Variants in GCLM observed in about 807,000 individuals in gnomAD.
The protein encoded by GCLM is glutamate-cysteine ligase modifier subunit, also known as glutamate--cysteine ligase regulatory subunit.
A neutral mutation model predicts 36.0 loss-of-function variants in GCLM; 15 were observed. The ratio of observed to expected loss-of-function variants is 0.42; its 90% CI spans 0.28 to 0.64. The LOEUF is 0.64. Ranked by LOEUF, GCLM falls within the 30% of genes least tolerant of loss-of-function variation. The pLI is 0.25. For synonymous variants in GCLM, 129 were observed against 122.8 expected, an observed-to-expected ratio of 1.05 and a Z score of -0.34; for missense variants, 242 against 325.5, an observed-to-expected ratio of 0.74 and a Z score of 1.97.
At chr1:93,889,558 TGTATATGA>T (rs567179121) in intron 6 of GCLM, among the ~76,000 whole-genome samples, 166 of 152,130 alleles carry the variant, frequency 1.1e-3, no homozygotes, top group African/African-American at 3.8e-3. Context: ...ACTTTTTTGG[TGTATATGA>T]GTATATATCT....
chr1:93,906,450 G>C (rs1262132640), intron 1 of GCLM, among the ~76,000 whole-genome samples: 1 of 152,136 alleles, frequency 6.6e-6, no homozygotes, highest in Non-Finnish European at 1.5e-5. Flanking sequence ...TGGAAGGATG[G>C]CTCATTTGCA....
At chr1:93,889,639 CTGTA>C (rs544657858) in intron 6 of GCLM, among the ~76,000 whole-genome samples, 5 of 151,502 alleles carry the variant, frequency 3.3e-5, no homozygotes, top group Middle Eastern at 3.4e-3. Context: ...GATCTTATAT[CTGTA>C]TGTGTGTGTG....
At chr1:93,896,208 G>A (rs1438900978) in intron 5 of GCLM, among the ~76,000 whole-genome samples, 3 of 151,796 alleles carry the variant, frequency 2.0e-5, no homozygotes, top group East Asian at 3.9e-4. Flanking sequence ...TGATCTGCTC[G>A]CCTCGGCCTC....
intron 1 of GCLM, among the ~76,000 whole-genome samples, chr1:93,906,954 CA>C (rs1173970470): frequency 1.3e-5 from 2 of 151,978 alleles, no homozygotes; most frequent in Non-Finnish European, 2.9e-5. Context: ...TCCAGTGAGA[CA>C]AAAAATCTGG....
chr1:93,894,584 C>A, intron 6 of GCLM, 30 bp downstream of exon 6: 1 of 1,107,550 alleles, frequency 9.0e-7, no homozygotes, highest in South Asian at 1.3e-5. Context: ...AGCTTATGAT[C>A]AATCTCTATA....
chr1:93,906,702 T>A (rs769816839), intron 1 of GCLM, among the ~76,000 whole-genome samples: 1 of 152,208 alleles, frequency 6.6e-6, no homozygotes, highest in African/African-American at 2.4e-5. Context: ...AACCTTGTAC[T>A]TGGGTTAATG....
At chr1:93,904,730 A>G in intron 1 of GCLM, 142 bp from the exon 2 acceptor site, 1 of 613,702 alleles carries the variant, frequency 1.6e-6, no homozygotes, top group Non-Finnish European at 2.9e-6. Flanking sequence ...TTTTAATCCT[A>G]CAAGGTTTTT....
chr1:93,900,923 G>C (rs1307480404), intron 3 of GCLM, among the ~76,000 whole-genome samples: 1 of 152,138 alleles, frequency 6.6e-6, no homozygotes, highest in Admixed American at 6.5e-5. Context: ...TTTTATAGAA[G>C]AGAAAACTGA....
chr1:93,891,317 A>C (rs762964128), intron 6 of GCLM, among the ~76,000 whole-genome samples: 4 of 152,066 alleles, frequency 2.6e-5, no homozygotes, highest in Non-Finnish European at 5.9e-5. Context: ...CCTCAAGCAC[A>C]TTCACACCTT....
chr1:93,894,944 A>G (rs1656672489), intron 5 of GCLM, among the ~76,000 whole-genome samples: 1 of 151,030 alleles, frequency 6.6e-6, no homozygotes, highest in African/African-American at 2.4e-5. Flanking sequence ...ATTCCCTATT[A>G]CCTTTTCCCT....
chr1:93,897,035 TG>T, intron 4 of GCLM, among the ~76,000 whole-genome samples: 1 of 152,232 alleles, frequency 6.6e-6, no homozygotes, highest in Non-Finnish European at 1.5e-5. Flanking sequence ...GGCAGACAAG[TG>T]GGTTTCTCTG....
intron 6 of GCLM, among the ~76,000 whole-genome samples, chr1:93,892,161 T>C (rs375455166): frequency 9.9e-4 from 151 of 152,218 alleles, no homozygotes; most frequent in African/African-American, 3.4e-3. Flanking sequence ...AGTTCTAAAT[T>C]CAGGATCATC....
chr1:93,893,954 T>C (rs1397266624), intron 6 of GCLM, among the ~76,000 whole-genome samples: 3 of 152,146 alleles, frequency 2.0e-5, no homozygotes, highest in Non-Finnish European at 2.9e-5. Flanking sequence ...GATATTTATC[T>C]CCTTGAATAA....
At chr1:93,897,490 A>G (rs1052466787) in intron 4 of GCLM, among the ~76,000 whole-genome samples, 1 of 152,066 alleles carries the variant, frequency 6.6e-6, no homozygotes, top group South Asian at 2.1e-4. Context: ...TAAGTGCTAA[A>G]AACAGATATA....
chr1:93,893,678 C>T (rs951047694), intron 6 of GCLM, among the ~76,000 whole-genome samples: 1 of 152,076 alleles, frequency 6.6e-6, no homozygotes, highest in Non-Finnish European at 1.5e-5. Context: ...CTCATTTATA[C>T]CAAAAATATG....
rs572401627 is a variant in GCLM at position 93,891,758 on chromosome 1, TGCTAA to T, written c.656-2604_656-2600del. On this transcript the variant is annotated intron_variant, in intron 6 of 6. Coordinates refer to ENST00000370238, the MANE Select transcript of GCLM (RefSeq NM_002061.4). ...GCATCTTCACAGTTTGATTTCGGAGTGCTAAAGGACCCACCTACTCCCAAACTGCT... is the reference window on the plus strand; with the variant it reads ...GCATCTTCACAGTTTGATTTCGGAGTAGGACCCACCTACTCCCAAACTGCT... Among the ~76,000 whole-genome samples the T allele has an allele frequency of 2.5e-3, 387 of 152,172 alleles. 1 individual carries two copies. Among genetic ancestry groups the T allele is most frequent in the African/African-American group, 8.8e-3 (364 of 41,524 alleles).
At chr1:93,903,468 G>A (rs1272778757) in intron 2 of GCLM, among the ~76,000 whole-genome samples, 1 of 140,500 alleles carries the variant, frequency 7.1e-6, no homozygotes, top group African/African-American at 2.7e-5. Flanking sequence ...GTACCACCAC[G>A]CCTGGCTTTT....
At chr1:93,894,803 AAAAT>A in intron 5 of GCLM, 75 bp from the exon 6 acceptor site, 2 of 714,688 alleles carry the variant, frequency 2.8e-6, no homozygotes, top group Admixed American at 4.4e-5. Context: ...AATAAGCAAT[AAAAT>A]AACTTAATTT....
intron 6 of GCLM, among the ~76,000 whole-genome samples, chr1:93,890,460 T>G (rs577007180): frequency 1.3e-5 from 2 of 152,134 alleles, no homozygotes; most frequent in African/African-American, 4.8e-5. Flanking sequence ...ATTTTACAGG[T>G]GACATTTTAA....
Sources: allele counts gnomAD v4.1 joint callset (sites outside exome capture counted in the v4.1 genomes callset), GRCh38; gene constraint gnomAD v4.1.1; transcripts MANE v1.5; gene names NCBI Gene and HGNC (gene_info 2026-07-23, HGNC 2026-07-21).